The following SGPL1 variants were observed in gnomAD, a reference collection of about 807,000 sequenced individuals.
SGPL1 encodes the protein SP-lyase 1.
Under a neutral mutation model 68.9 loss-of-function variants are expected in SGPL1, and 37 were observed. That is an observed-to-expected ratio of 0.54 (90% CI 0.41 to 0.71). The LOEUF is 0.71. Among genes scored for constraint, SGPL1 ranks in the 30% least tolerant of loss-of-function variants. The pLI, the probability that SGPL1 is intolerant of heterozygous loss-of-function variation, is 0.00. For missense variants in SGPL1, 551 were observed against 704.6 expected, an observed-to-expected ratio of 0.78 and a Z score of 2.47; for synonymous variants, 236 against 248.5, an observed-to-expected ratio of 0.95 and a Z score of 0.47.
At chr10:70,871,469 T>C (rs1451208684) in intron 10 of SGPL1, among the ~76,000 whole-genome samples, 3 of 152,226 alleles carry the variant, frequency 2.0e-5, no homozygotes, top group African/African-American at 4.8e-5. Context: ...TTCCACATGC[T>C]GCCCCTCAGC....
At chr10:70,846,115 T>G (rs902269573) in intron 3 of SGPL1, among the ~76,000 whole-genome samples, 2 of 152,224 alleles carry the variant, frequency 1.3e-5, no homozygotes, top group Admixed American at 6.5e-5. Flanking sequence ...GACTCTCCTG[T>G]GTAAATCTGT....
rs759583469 is a variant in SGPL1 at position 70,875,421 on chromosome 10, A to T, written c.1318A>T (p.Ile440Phe). The change falls in exon 13 of 15, where the codon ATC (isoleucine) becomes TTC (phenylalanine). Residue 440 changes from isoleucine to phenylalanine, a missense_variant. Ile to Phe is a conservative substitution (Grantham distance 21). Coordinates refer to ENST00000373202, the MANE Select transcript of SGPL1 (RefSeq NM_003901.4). ...LKSELENIKG[I>F]FVFGNPQLSV... ...TTTAAGACTGGAAAATATCAAAGGC[A>T]TCTTTGTTTTTGGGAATCCCCAATT... 5.0e-6 allele frequency: 8 copies of T among 1,611,096 alleles called. No homozygotes were observed. Among genetic ancestry groups the T allele is most frequent in the Non-Finnish European group, 6.8e-6 (8 of 1,177,734 alleles).
rs187127359 is a variant in SGPL1, at chr10:70,848,555, C to T, written c.194-2588C>T. 6.3e-3 allele frequency among the ~76,000 whole-genome samples: 933 copies of T among 149,184 alleles called. 3 individuals are homozygous for T. Among genetic ancestry groups the T allele is most frequent in the Middle Eastern group, 0.011 (3 of 280 alleles). On this transcript the variant is annotated intron_variant, in intron 3 of 14. Coordinates refer to ENST00000373202, the MANE Select transcript of SGPL1 (RefSeq NM_003901.4). ...TCTCGGCTCACTGCAACCTCCGCCT[C>T]CTGGGTTCAAGCGATTCACTTGCTT...
intron 10 of SGPL1, 26 bp downstream of exon 10, chr10:70,871,172 G>A (rs1846289085): frequency 6.8e-7 from 1 of 1,462,716 alleles, no homozygotes; most frequent in African/African-American, 1.4e-5. Flanking sequence ...GGGCTGCTAA[G>A]GCAGGCAAAT....
At chr10:70,863,809 G>A (rs1233630081) in intron 7 of SGPL1, among the ~76,000 whole-genome samples, 1 of 152,180 alleles carries the variant, frequency 6.6e-6, no homozygotes, top group South Asian at 2.1e-4. Flanking sequence ...TTTTGCAGTA[G>A]TGGGATTTAT....
At chr10:70,842,341 T>G (rs1845729344) in intron 2 of SGPL1, among the ~76,000 whole-genome samples, 1 of 152,218 alleles carries the variant, frequency 6.6e-6, no homozygotes, top group Admixed American at 6.5e-5. Flanking sequence ...AACAAATTGC[T>G]TTACAAAAGT....
intron 2 of SGPL1, 121 bp downstream of exon 2, chr10:70,817,001 C>A: frequency 1.0e-6 from 1 of 996,492 alleles, no homozygotes; most frequent in Non-Finnish European, 1.6e-6. Context: ...AGCGTTTTGC[C>A]ACCTTTTATT....
intron 6 of SGPL1, among the ~76,000 whole-genome samples, chr10:70,858,138 T>C (rs745460283): frequency 7.2e-5 from 11 of 152,224 alleles, no homozygotes; most frequent in Non-Finnish European, 1.5e-4. Flanking sequence ...ATTTTTATTT[T>C]ATTTTATTAT....
intron 2 of SGPL1, among the ~76,000 whole-genome samples, chr10:70,841,844 T>A (rs1049429791): frequency 1.3e-5 from 2 of 152,168 alleles, no homozygotes; most frequent in African/African-American, 4.8e-5. Context: ...TCAAAACATC[T>A]TCTACCTTTT....
intron 2 of SGPL1, among the ~76,000 whole-genome samples, chr10:70,826,074 A>G (rs964549104): frequency 7.2e-5 from 11 of 151,988 alleles, no homozygotes; most frequent in African/African-American, 2.4e-4. Context: ...AATCCCAGCT[A>G]CTCAGGAGGC....
chr10:70,846,765 A>G (rs1437070633), intron 3 of SGPL1, among the ~76,000 whole-genome samples: 2 of 152,220 alleles, frequency 1.3e-5, no homozygotes, highest in Admixed American at 1.3e-4. Flanking sequence ...TTTTAAAACA[A>G]ATTTTAAAAT....
chr10:70,836,851 C>G (rs1453907474), intron 2 of SGPL1, among the ~76,000 whole-genome samples: 1 of 152,088 alleles, frequency 6.6e-6, no homozygotes, highest in Non-Finnish European at 1.5e-5. Flanking sequence ...CTTAGCCTCC[C>G]AAAGTGCTGG....
At chr10:70,855,243 G>C (rs1479103344) in intron 5 of SGPL1, among the ~76,000 whole-genome samples, 1 of 152,340 alleles carries the variant, frequency 6.6e-6, no homozygotes, top group East Asian at 1.9e-4. Flanking sequence ...AAGATAAACA[G>C]ATGGTGTCTA....
At chr10:70,876,182 C>T (rs1589478850) in intron 13 of SGPL1, among the ~76,000 whole-genome samples, 1 of 152,194 alleles carries the variant, frequency 6.6e-6, no homozygotes, top group Non-Finnish European at 1.5e-5. Flanking sequence ...CCATGTGGCC[C>T]TGTCCCCATG....
intron 4 of SGPL1, among the ~76,000 whole-genome samples, chr10:70,853,166 C>G (rs1338642): frequency 0.35 from 52,992 of 152,128 alleles, 9,578 homozygotes; most frequent in South Asian, 0.5. Flanking sequence ...GTCTTCACAT[C>G]CATAGCATGC....
intron 9 of SGPL1, 199 bp downstream of exon 9, chr10:70,870,096 T>G: frequency 2.1e-6 from 1 of 471,708 alleles, no homozygotes; most frequent in Non-Finnish European, 3.8e-6. Context: ...AGGGAGGTGA[T>G]CTAGTCACTA....
intron 5 of SGPL1, among the ~76,000 whole-genome samples, chr10:70,856,776 A>T (rs1458802659): frequency 1.3e-5 from 2 of 152,212 alleles, no homozygotes; most frequent in Non-Finnish European, 2.9e-5. Flanking sequence ...GTGTTTCCGT[A>T]ATAGCTTTCT....
At chr10:70,865,897 C>G (rs970173101) in intron 7 of SGPL1, among the ~76,000 whole-genome samples, 1 of 152,144 alleles carries the variant, frequency 6.6e-6, no homozygotes, top group East Asian at 1.9e-4. Context: ...CTCTTGTTTT[C>G]TGAAATACAT....
intron 2 of SGPL1, among the ~76,000 whole-genome samples, chr10:70,839,304 AT>A (rs2131876264): frequency 6.6e-6 from 1 of 151,070 alleles, no homozygotes; most frequent in African/African-American, 2.4e-5. Context: ...TTTTTCTTTA[AT>A]GTTATACTTT....
Sources: gnomAD v4.1 joint callset for allele counts (sites outside exome capture counted in the v4.1 genomes callset) on GRCh38, gnomAD v4.1.1 for gene constraint, MANE v1.5 for transcripts, NCBI Gene and HGNC (gene_info 2026-07-23, HGNC 2026-07-21) for gene names.